IGFBPL1: variants seen among roughly 807,000 people sequenced by gnomAD.
The protein encoded by IGFBPL1 is insulin like growth factor binding protein like 1.
IGFBPL1 carries 20 observed loss-of-function variants against 23.9 expected under a neutral mutation model. That is an observed-to-expected ratio of 0.84 (90% CI 0.59 to 1.22). The LOEUF (loss-of-function observed/expected upper bound fraction) is 1.22. Ranked by LOEUF, IGFBPL1 falls within the 50% of genes most tolerant of loss-of-function variation. IGFBPL1 has a pLI of 0.00. For synonymous variants in IGFBPL1, 184 were observed against 171.8 expected (o/e 1.07, Z -0.56); for missense variants, 436 against 379.3 (o/e 1.15, Z -1.24).
chr9:38,412,882 G>A (rs1821533012), intron 3 of IGFBPL1, among the ~76,000 whole-genome samples: 1 of 152,120 alleles, frequency 6.6e-6, no homozygotes, highest in Non-Finnish European at 1.5e-5. Flanking sequence ...CACACTTAAA[G>A]ACCCACCTTT....
At chr9:38,413,042 G>A (rs80027110) in intron 3 of IGFBPL1, among the ~76,000 whole-genome samples, 195 bp downstream of exon 3, 2,764 of 152,282 alleles carry the variant, frequency 0.018, 42 homozygotes, top group Middle Eastern at 0.061. Flanking sequence ...TCACTGTGGG[G>A]CCATCACTCT....
At chr9:38,409,996 GAAGT>G (rs1423936695) in intron 4 of IGFBPL1, among the ~76,000 whole-genome samples, 4 of 152,300 alleles carry the variant, frequency 2.6e-5, no homozygotes, top group Admixed American at 1.3e-4. Context: ...CTACAGACCA[GAAGT>G]AAGGCCTTGC....
At chr9:38,419,935 G>A (rs1251375351) in intron 1 of IGFBPL1, among the ~76,000 whole-genome samples, 1 of 150,358 alleles carries the variant, frequency 6.7e-6, no homozygotes, top group Non-Finnish European at 1.5e-5. Context: ...CTGTCTCCTA[G>A]GCGGAGTACA....
At chr9:38,417,650 C>T (rs1000812413) in intron 1 of IGFBPL1, among the ~76,000 whole-genome samples, 1 of 152,138 alleles carries the variant, frequency 6.6e-6, no homozygotes, top group African/African-American at 2.4e-5. Flanking sequence ...TGATTTAGTA[C>T]AGTGAAAGGA....
Position 38,408,095 on chromosome 9 carries a change from A to G in IGFBPL1, c.*1132T>C, listed in dbSNP as rs1821454936. 6.6e-6 allele frequency among the ~76,000 whole-genome samples: 1 copy of G among 151,990 alleles called. No individual in the cohort carries two copies. The highest frequency in any genetic ancestry group is 2.1e-4 in the South Asian group (1 of 4,828). On this transcript the variant is annotated 3_prime_UTR_variant, in exon 5 of 5. Transcript: ENST00000377694. Reference sequence around the variant, plus strand: ...TTTGATCGTCAGAAGCCTGGTATCCACCGCTTCTAACCACCTGTTTAGAGA... The same window carrying G: ...TTTGATCGTCAGAAGCCTGGTATCCGCCGCTTCTAACCACCTGTTTAGAGA...
chr9:38,416,494 GTATT>G (rs919390951), intron 1 of IGFBPL1, among the ~76,000 whole-genome samples: 6 of 152,034 alleles, frequency 3.9e-5, no homozygotes, highest in South Asian at 2.1e-4. Context: ...ATTTAAATTT[GTATT>G]TATTTATTTA....
intron 1 of IGFBPL1, among the ~76,000 whole-genome samples, chr9:38,417,925 G>A (rs1821622802): frequency 6.6e-6 from 1 of 152,126 alleles, no homozygotes; most frequent in Non-Finnish European, 1.5e-5. Context: ...CAGGCACAGT[G>A]AGCCACTCTC....
rs557111691 is a variant in IGFBPL1, at chr9:38,407,113, C to G, written c.*2114G>C. Among the ~76,000 whole-genome samples the G allele has an allele frequency of 6.6e-6, 1 of 150,988 alleles. No homozygotes were observed. The highest frequency in any genetic ancestry group is 2.1e-4 in the South Asian group (1 of 4,742). The stretch of plus-strand genomic sequence containing the variant: ...CAGGCCTTCACACATGGAAGTCAGT[C>G]ACAGTGCGTGGAGAAGGGAGGGGCG... On this transcript the variant is annotated 3_prime_UTR_variant, in exon 5 of 5. Transcript: ENST00000377694.
At position 38,407,495 on chromosome 9, in the gene IGFBPL1, G is replaced by C. The variant is rs1821443946; in HGVS notation, c.*1732C>G. ...ACATGGAATGGCAGGCTTACAGGCG[G>C]AAAGTTCACTTCCAACAAGGACTCC... On this transcript the variant is annotated 3_prime_UTR_variant, in exon 5 of 5. Coordinates refer to ENST00000377694, the MANE Select transcript of IGFBPL1 (RefSeq NM_001007563.3). 6.6e-6 allele frequency among the ~76,000 whole-genome samples: 1 copy of C among 152,234 alleles called. No homozygotes were observed. Among genetic ancestry groups the C allele is most frequent in the Non-Finnish European group, 1.5e-5 (1 of 68,038 alleles).
chr9:38,413,102 T>C, intron 3 of IGFBPL1, 135 bp downstream of exon 3: 1 of 653,846 alleles, frequency 1.5e-6, no homozygotes, highest in Non-Finnish European at 2.7e-6. Context: ...AAACCTGCCC[T>C]GCCTGCCTCA....
intron 1 of IGFBPL1, among the ~76,000 whole-genome samples, chr9:38,416,806 C>T (rs1336796721): frequency 1.3e-5 from 2 of 151,688 alleles, no homozygotes; most frequent in East Asian, 1.9e-4. Flanking sequence ...TCTTGAGTAG[C>T]TGGGACTACA....
Position 38,408,253 on chromosome 9 carries a change from CAAAA to C in IGFBPL1, c.*970_*973del, listed in dbSNP as rs35229194. On this transcript the variant is annotated 3_prime_UTR_variant, in exon 5 of 5. Coordinates refer to ENST00000377694, the MANE Select transcript of IGFBPL1 (RefSeq NM_001007563.3). ...GCAACATAGGGAGACCCTGTCTCTACAAAAAAAAAAAAAAAAAAAAAAAAAATAG... is the reference window on the plus strand; with the variant it reads ...GCAACATAGGGAGACCCTGTCTCTACAAAAAAAAAAAAAAAAAAAAAATAG... Among the ~76,000 whole-genome samples the C allele has an allele frequency of 4.3e-5, 3 of 70,178 alleles. No individual in the cohort carries two copies. The highest frequency in any genetic ancestry group is 4.9e-4 in the South Asian group (1 of 2,046). The allele number at this position is 70,178 out of a possible 152,430, so 46.0% of individuals were successfully genotyped here.
intron 1 of IGFBPL1, among the ~76,000 whole-genome samples, chr9:38,418,212 C>T (rs953095387): frequency 3.3e-5 from 5 of 152,198 alleles, no homozygotes; most frequent in Admixed American, 6.5e-5. Context: ...GAGTGCTCAA[C>T]GTCATGGCTG....
In IGFBPL1 at chr9:38,408,721, G is replaced by A. The variant is rs1195741154; in HGVS notation, c.*506C>T. On this transcript the variant is annotated 3_prime_UTR_variant, in exon 5 of 5. Coordinates refer to ENST00000377694, the MANE Select transcript of IGFBPL1 (RefSeq NM_001007563.3). ...GGATGGCAGGGCTAAAAGGGACATT[G>A]ATAACATCCAGTTAAAATGCCATAC... Among the ~76,000 whole-genome samples the A allele has an allele frequency of 2.6e-5, 4 of 152,158 alleles. No individual in the cohort carries two copies. In the East Asian group the frequency reaches 7.7e-4, roughly 29 times the overall value.
chr9:38,419,093 C>G (rs1425271833), intron 1 of IGFBPL1, among the ~76,000 whole-genome samples: 1 of 151,938 alleles, frequency 6.6e-6, no homozygotes, highest in African/African-American at 2.4e-5. Flanking sequence ...TGATTTGTCC[C>G]CCTACCTCGT....
chr9:38,415,147 G>A (rs1406673127), intron 1 of IGFBPL1, among the ~76,000 whole-genome samples: 7 of 152,278 alleles, frequency 4.6e-5, no homozygotes, highest in South Asian at 4.1e-4. Flanking sequence ...TTCCTAGGGC[G>A]GTCAGGCTGA....
At chr9:38,418,983 C>T (rs147615036) in intron 1 of IGFBPL1, among the ~76,000 whole-genome samples, 1 of 152,126 alleles carries the variant, frequency 6.6e-6, no homozygotes, top group African/African-American at 2.4e-5. Flanking sequence ...ACCGCAGCCT[C>T]GCATCCTTGG....
At position 38,413,351 on chromosome 9, in the gene IGFBPL1, G is replaced by A. The variant is rs142929537; in HGVS notation, c.573C>T (p.Val191=). The A allele has an allele frequency of 8.9e-5, 142 of 1,602,100 alleles. No homozygotes were observed. In the African/African-American group the frequency reaches 1.7e-3, roughly 20 times the overall value. The part of the protein sequence containing the change: ...VPTPVITWRK[V]TKSPEGTQAL... ...CTTGGGTGCCCTCAGGGGACTTCGT[G>A]ACCTACAGGGGACAGGAATGCCAGG... is the stretch of plus-strand genomic sequence containing the variant. The change falls in exon 3 of 5, where the codon GTC becomes GTT. Residue 191 remains valine (V), a splice_region_variant and synonymous_variant. Coordinates refer to ENST00000377694, the MANE Select transcript of IGFBPL1 (RefSeq NM_001007563.3).
chr9:38,413,589 A>C (rs556969084), intron 2 of IGFBPL1, among the ~76,000 whole-genome samples: 1 of 152,316 alleles, frequency 6.6e-6, no homozygotes, highest in South Asian at 2.1e-4. Context: ...CATCCCACAG[A>C]AAGATTCAGA....
Sources: allele counts gnomAD v4.1 joint callset (sites outside exome capture counted in the v4.1 genomes callset), GRCh38; gene constraint gnomAD v4.1.1; transcripts MANE v1.5; gene names NCBI Gene and HGNC (gene_info 2026-07-23, HGNC 2026-07-21).